The following ACAP2 variants were observed in gnomAD, a reference collection of about 807,000 sequenced individuals.
The protein encoded by ACAP2 is ArfGAP with coiled-coil, ankyrin repeat and PH domains 2, also known as arf-GAP with coiled-coil, ANK repeat and PH domain-containing protein 2.
A neutral mutation model predicts 115.8 loss-of-function variants in ACAP2; 39 were observed. The observed-to-expected ratio is 0.34, with a 90% CI of 0.26 to 0.44. ACAP2 has a LOEUF of 0.44. ACAP2 is among the 20% of genes least tolerant of loss of function. ACAP2 has a pLI of 1.00. For missense variants in ACAP2, 662 were observed against 927.6 expected (o/e 0.71, Z 3.72); for synonymous variants, 289 against 315.8 (o/e 0.92, Z 0.90).
chr3:195,381,248 C>A (rs1733920683), intron 3 of ACAP2, among the ~76,000 whole-genome samples, 186 bp from the exon 4 acceptor site: 2 of 152,074 alleles, frequency 1.3e-5, no homozygotes, highest in Admixed American at 6.6e-5. Context: ...CACGTGGTAA[C>A]AAATAAAACC....
intron 13 of ACAP2, among the ~76,000 whole-genome samples, chr3:195,304,970 C>T (rs959758577): frequency 1.3e-5 from 2 of 152,192 alleles, no homozygotes; most frequent in African/African-American, 4.8e-5. Flanking sequence ...TGTGAAAGTA[C>T]TGATGCCCAA....
intron 1 of ACAP2, among the ~76,000 whole-genome samples, chr3:195,423,915 C>T (rs995473113): frequency 6.6e-6 from 1 of 151,840 alleles, no homozygotes; most frequent in African/African-American, 2.4e-5. Flanking sequence ...AATGGAGCCT[C>T]TTGTTTAAAA....
At chr3:195,422,673 G>A (rs1159792008) in intron 1 of ACAP2, among the ~76,000 whole-genome samples, 4 of 151,756 alleles carry the variant, frequency 2.6e-5, no homozygotes, top group Admixed American at 6.6e-5. Flanking sequence ...AGACAAAGTC[G>A]TGCCATGTTG....
chr3:195,390,731 T>G (rs1258269704), intron 2 of ACAP2, among the ~76,000 whole-genome samples: 1 of 152,200 alleles, frequency 6.6e-6, no homozygotes, highest in Non-Finnish European at 1.5e-5. Context: ...AGTTAAGGTC[T>G]CAGGAGCACT....
chr3:195,287,167 G>T (rs879390358), intron 21 of ACAP2, among the ~76,000 whole-genome samples: 6 of 152,132 alleles, frequency 3.9e-5, no homozygotes, highest in Non-Finnish European at 8.8e-5. Context: ...TTTAGCCCAG[G>T]GTAAGTGAAT....
intron 8 of ACAP2, among the ~76,000 whole-genome samples, chr3:195,327,791 C>T (rs1432402582): frequency 5.9e-5 from 9 of 152,076 alleles, no homozygotes; most frequent in Middle Eastern, 3.4e-3. Context: ...ATTAGCTGGG[C>T]ATGGTGGCAG....
At chr3:195,370,187 C>T (rs1307896438) in intron 4 of ACAP2, among the ~76,000 whole-genome samples, 1 of 152,192 alleles carries the variant, frequency 6.6e-6, no homozygotes, top group Non-Finnish European at 1.5e-5. Context: ...AATATTTTCT[C>T]CCACTGTAGG....
chr3:195,394,405 A>G (rs1711570891), intron 1 of ACAP2, among the ~76,000 whole-genome samples: 1 of 152,174 alleles, frequency 6.6e-6, no homozygotes, highest in Non-Finnish European at 1.5e-5. Flanking sequence ...GACCAGTTTG[A>G]GATTTAATCG....
chr3:195,336,397 T>C (rs1730510296), intron 7 of ACAP2: 1 of 152,346 alleles, frequency 6.6e-6, no homozygotes, highest in African/African-American at 2.4e-5. Flanking sequence ...CTCCAAATGA[T>C]ACTATTCATA....
chr3:195,434,401 T>C (rs998117642), intron 1 of ACAP2, among the ~76,000 whole-genome samples: 8 of 152,006 alleles, frequency 5.3e-5, no homozygotes, highest in Non-Finnish European at 1.2e-4. Flanking sequence ...CTTAGCTAAT[T>C]TTTTTTGTTT....
At chr3:195,412,171 A>T (rs1253130592) in intron 1 of ACAP2, among the ~76,000 whole-genome samples, 1 of 97,894 alleles carries the variant, frequency 1.0e-5, no homozygotes, top group Non-Finnish European at 2.2e-5. Context: ...TCTCAAAAAA[A>T]AAAAAAAAAA....
rs545702203 is a variant in ACAP2 at position 195,277,536 on chromosome 3, A to C, written c.*1792T>G. ...GCATTACATGCATGCAGTTTGGCCA[A>C]ATTATGGAACCTTTTCTGTAATGTG... On this transcript the variant is annotated 3_prime_UTR_variant, in exon 23 of 23. Coordinates refer to ENST00000326793, the MANE Select transcript of ACAP2 (RefSeq NM_012287.6). The C allele has an allele frequency of 6.6e-6, 1 of 152,328 alleles. No individual in the cohort carries two copies. Among genetic ancestry groups the C allele is most frequent in the East Asian group, 1.9e-4 (1 of 5,192 alleles). 9.4% of individuals were successfully genotyped at this position (152,328 alleles called of 1,614,324 possible).
chr3:195,382,914 C>A (rs1350334360), intron 2 of ACAP2, among the ~76,000 whole-genome samples: 1 of 151,018 alleles, frequency 6.6e-6, no homozygotes, highest in African/African-American at 2.4e-5. Context: ...CTAACGAGGG[C>A]TGTGGGGACC....
intron 20 of ACAP2, among the ~76,000 whole-genome samples, chr3:195,291,453 G>C (rs1727248348): frequency 6.6e-6 from 1 of 152,188 alleles, no homozygotes; most frequent in Admixed American, 6.5e-5. Flanking sequence ...AGAAAGTTAA[G>C]TACTAAAACT....
chr3:195,416,007 G>T (rs928167455), intron 1 of ACAP2, among the ~76,000 whole-genome samples: 1 of 151,996 alleles, frequency 6.6e-6, no homozygotes, highest in Admixed American at 6.6e-5. Context: ...AATATAAATA[G>T]GCAACTTATA....
At chr3:195,341,515 G>A (rs994456673) in intron 6 of ACAP2, among the ~76,000 whole-genome samples, 5 of 151,888 alleles carry the variant, frequency 3.3e-5, no homozygotes, top group Non-Finnish European at 5.9e-5. Context: ...TAGTAGAGAC[G>A]GGGTTTCGCC....
intron 18 of ACAP2, 103 bp downstream of exon 18, chr3:195,294,616 T>A (rs868434509): frequency 2.1e-3 from 323 of 156,304 alleles, no homozygotes; most frequent in South Asian, 6.4e-3. Flanking sequence ...AAATTATATA[T>A]ATATATATAT....
chr3:195,408,542 C>T (rs1264015114), intron 1 of ACAP2, among the ~76,000 whole-genome samples: 3 of 152,142 alleles, frequency 2.0e-5, no homozygotes, highest in Non-Finnish European at 4.4e-5. Flanking sequence ...GACGAACTTA[C>T]ACCAACCCTT....
In ACAP2 at chr3:195,407,421, A is replaced by G. The variant is rs550307513; in HGVS notation, c.54-15274T>C. ...ATAAATGCTCACATTAAAAAACAAG[A>G]AAGTCCTGGGCACAGTGGCTCACAC... On this transcript the variant is annotated intron_variant, in intron 1 of 22. Transcript: ENST00000326793. Among the ~76,000 whole-genome samples, 3 of 152,248 alleles carry G rather than the reference A, an allele frequency of 2.0e-5. No homozygotes were observed. The East Asian group carries it at 5.8e-4, about 29-fold the overall frequency.
Sources: allele counts gnomAD v4.1 joint callset (sites outside exome capture counted in the v4.1 genomes callset), GRCh38; gene constraint gnomAD v4.1.1; transcripts MANE v1.5; gene names NCBI Gene and HGNC (gene_info 2026-07-23, HGNC 2026-07-21).